LYPD6B: variants seen among roughly 807,000 people sequenced by gnomAD.
LYPD6B encodes the protein ly6/PLAUR domain-containing protein 6B.
LYPD6B carries 17 observed loss-of-function variants against 22.8 expected under a neutral mutation model. The observed-to-expected ratio is 0.75, with a 90% CI of 0.51 to 1.12. The LOEUF is 1.12. Ranked by LOEUF, LYPD6B falls within the 50% of genes most tolerant of loss-of-function variation. The pLI, the probability that LYPD6B is intolerant of heterozygous loss-of-function variation, is 0.00. For missense variants in LYPD6B, 221 were observed against 258.3 expected, an observed-to-expected ratio of 0.86 and a Z score of 0.99; for synonymous variants, 106 against 91.6, an observed-to-expected ratio of 1.16 and a Z score of -0.90.
intron 3 of LYPD6B, among the ~76,000 whole-genome samples, chr2:149,197,069 C>T (rs1478737465): frequency 6.6e-6 from 1 of 152,214 alleles, no homozygotes; most frequent in Non-Finnish European, 1.5e-5. Context: ...GAGCAGCTCT[C>T]CTGCAGAACT....
At chr2:149,061,790 A>G (rs1344829866) in intron 1 of LYPD6B, among the ~76,000 whole-genome samples, 1 of 152,192 alleles carries the variant, frequency 6.6e-6, no homozygotes, top group Non-Finnish European at 1.5e-5. Context: ...TATAGGGTAT[A>G]CTTTTCTATT....
intron 3 of LYPD6B, among the ~76,000 whole-genome samples, chr2:149,182,562 G>T (rs1691815604): frequency 6.6e-6 from 1 of 152,142 alleles, no homozygotes; most frequent in East Asian, 1.9e-4. Context: ...AAGTTGCTTG[G>T]GTGAGATACT....
chr2:149,121,239 G>A (rs914795779), intron 1 of LYPD6B, among the ~76,000 whole-genome samples: 2 of 152,120 alleles, frequency 1.3e-5, no homozygotes, highest in African/African-American at 4.8e-5. Context: ...CATGAAGATA[G>A]CTTTTTTATT....
At chr2:149,139,993 G>A (rs1688590920) in intron 2 of LYPD6B, among the ~76,000 whole-genome samples, 1 of 152,224 alleles carries the variant, frequency 6.6e-6, no homozygotes, top group African/African-American at 2.4e-5. Context: ...AAAATTTCTT[G>A]CTTCCTTCCT....
chr2:149,045,977 G>A (rs1306863772), intron 1 of LYPD6B, among the ~76,000 whole-genome samples: 2 of 152,106 alleles, frequency 1.3e-5, no homozygotes, highest in South Asian at 2.1e-4. Context: ...ATAACCAAGA[G>A]AGGAATGTTA....
chr2:149,197,247 C>T (rs1185322767), intron 3 of LYPD6B, among the ~76,000 whole-genome samples: 1 of 152,214 alleles, frequency 6.6e-6, no homozygotes, highest in African/African-American at 2.4e-5. Context: ...GACACGGTGG[C>T]TCATGCCTGT....
intron 3 of LYPD6B, among the ~76,000 whole-genome samples, chr2:149,168,935 CA>C (rs1690622784): frequency 6.6e-6 from 1 of 152,168 alleles, no homozygotes; most frequent in Admixed American, 6.5e-5. Context: ...TATTATCTAA[CA>C]GAACTCTAAT....
intron 1 of LYPD6B, among the ~76,000 whole-genome samples, chr2:149,044,343 T>C (rs1032640465): frequency 6.6e-6 from 1 of 152,086 alleles, no homozygotes; most frequent in African/African-American, 2.4e-5. Context: ...CTTGCACATA[T>C]TTTGTTAGAT....
At chr2:149,056,982 T>A (rs917535340) in intron 1 of LYPD6B, among the ~76,000 whole-genome samples, 14 of 152,164 alleles carry the variant, frequency 9.2e-5, no homozygotes, top group African/African-American at 3.1e-4. Flanking sequence ...TATTTAAAAT[T>A]TGTCAATTCA....
chr2:149,181,967 C>T (rs546455960), intron 3 of LYPD6B, among the ~76,000 whole-genome samples: 1 of 152,210 alleles, frequency 6.6e-6, no homozygotes, highest in Non-Finnish European at 1.5e-5. Flanking sequence ...CCATGGCTGC[C>T]GTCTGGAATT....
intron 2 of LYPD6B, among the ~76,000 whole-genome samples, chr2:149,160,018 G>A (rs189255398): frequency 0.024 from 3,609 of 152,140 alleles, 144 homozygotes; most frequent in African/African-American, 0.083. Context: ...GTCAGGTGTG[G>A]TGGTACATGC....
At chr2:149,042,638 G>C (rs1683133870) in intron 1 of LYPD6B, among the ~76,000 whole-genome samples, 1 of 152,188 alleles carries the variant, frequency 6.6e-6, no homozygotes, top group Non-Finnish European at 1.5e-5. Context: ...TGTTCTAGGT[G>C]CTGGGGATTG....
chr2:149,167,308 GT>G lies in LYPD6B; in HGVS notation c.77+6479del, dbSNP rs901146435. Among the ~76,000 whole-genome samples, 178 of 152,150 alleles carry G rather than the reference GT, an allele frequency of 1.2e-3. 1 individual carries two copies. The highest frequency in any genetic ancestry group is 2.2e-3 in the Non-Finnish European group (150 of 67,948). ...TTTTGTTTCAGGGGGCTTTGGAGCT[GT>G]TTTTTCCCTGCCATAAACTTAATTG... On this transcript the variant is annotated intron_variant, in intron 3 of 6. Coordinates refer to ENST00000409642, the MANE Select transcript of LYPD6B (RefSeq NM_177964.5).
chr2:149,161,546 G>A (rs1322694990), intron 3 of LYPD6B: 2 of 152,308 alleles, frequency 1.3e-5, no homozygotes, highest in African/African-American at 4.8e-5. Flanking sequence ...GTTTTTCTGA[G>A]GGCAGGTGGC....
intron 3 of LYPD6B, among the ~76,000 whole-genome samples, chr2:149,162,828 A>C (rs1690165512): frequency 6.6e-6 from 1 of 151,898 alleles, no homozygotes; most frequent in Non-Finnish European, 1.5e-5. Context: ...TGCCTGTTTT[A>C]ATGGCTGCTG....
At chr2:149,162,498 C>T (rs1690141218) in intron 3 of LYPD6B, among the ~76,000 whole-genome samples, 1 of 152,142 alleles carries the variant, frequency 6.6e-6, no homozygotes, top group Non-Finnish European at 1.5e-5. Context: ...ACTCGATGTC[C>T]ACACTCACCC....
intron 1 of LYPD6B, among the ~76,000 whole-genome samples, chr2:149,128,829 A>G (rs983976299): frequency 5.3e-5 from 8 of 152,198 alleles, no homozygotes; most frequent in Non-Finnish European, 1.0e-4. Flanking sequence ...TAAAGAACAT[A>G]TCACCTACTT....
intron 1 of LYPD6B, among the ~76,000 whole-genome samples, chr2:149,096,738 G>A (rs1685918644): frequency 1.3e-5 from 2 of 152,052 alleles, no homozygotes; most frequent in Admixed American, 1.3e-4. Flanking sequence ...CTTTCTGCAG[G>A]TGGGAAAAGA....
At chr2:149,039,066 G>A (rs982090796) in intron 1 of LYPD6B, among the ~76,000 whole-genome samples, 12 of 151,960 alleles carry the variant, frequency 7.9e-5, no homozygotes, top group South Asian at 4.1e-4. Flanking sequence ...GCCGGGGCAA[G>A]GCTGGAGCGG....
Sources: allele counts gnomAD v4.1 joint callset (sites outside exome capture counted in the v4.1 genomes callset), GRCh38; gene constraint gnomAD v4.1.1; transcripts MANE v1.5; gene names NCBI Gene and HGNC (gene_info 2026-07-23, HGNC 2026-07-21).